Variants in POMGNT1 observed in about 807,000 individuals in gnomAD.
POMGNT1 encodes the protein protein O-linked-mannose beta-1,2-N-acetylglucosaminyltransferase 1.
A neutral mutation model predicts 95.6 loss-of-function variants in POMGNT1; 67 were observed. That is an observed-to-expected ratio of 0.70 (90% CI 0.58 to 0.86). POMGNT1 has a LOEUF of 0.86. POMGNT1 is among the 40% of genes least tolerant of loss of function. The probability of loss-of-function intolerance (pLI) is 0.00; values close to 1 mark genes in which losing one functional copy is unlikely to be tolerated. For missense variants in POMGNT1, 719 were observed against 855.2 expected (o/e 0.84, Z 1.99); for synonymous variants, 298 against 317.9 (o/e 0.94, Z 0.66).
intron 19 of POMGNT1, chr1:46,190,248 G>C: frequency 1.5e-6 from 1 of 685,248 alleles, no homozygotes; most frequent in Non-Finnish European, 2.5e-6. Flanking sequence ...GTTTCACCGT[G>C]TTAGCCAGGA....
chr1:46,196,067 T>C lies in POMGNT1; in HGVS notation c.365A>G (p.Asp122Gly). 1 of 1,613,982 alleles carries C rather than the reference T, an allele frequency of 6.2e-7. No homozygotes were observed. The highest frequency in any genetic ancestry group is 1.1e-5 in the South Asian group (1 of 91,082). ...VAVDGTTVLE[D>G]EAREQGRGIH... ...GCCCCGGCCCTGCTCCCGGGCCTCA[T>C]CCTCCAGCACCTACACAGTGGCAGA... The change falls in exon 5 of 22, where the codon GAT (aspartate) becomes GGT (glycine). Residue 122 changes from aspartate to glycine, a missense_variant. Asp to Gly is a moderately conservative substitution (Grantham distance 94). Transcript: ENST00000371984. The surrounding 1 kb of genome is among the most constrained non-coding windows in gnomAD (Gnocchi z 4.4).
In POMGNT1 at chr1:46,192,737, C is replaced by T. The variant is rs1185291488; in HGVS notation, c.1212-147G>A. ...CAAATCCCCACTGTCTCCATTCATC[C>T]ACTGTACCTTCAACAGCAGCCCCAA... On this transcript the variant is annotated intron_variant, in intron 14 of 21. Transcript: ENST00000371984. The T allele has an allele frequency of 7.5e-6, 12 of 1,593,970 alleles. No individual in the cohort carries two copies. The Admixed American group carries it at 1.7e-4, about 22-fold the overall frequency.
In POMGNT1 at chr1:46,194,750, G is replaced by A. The variant is rs150474718; in HGVS notation, c.652+94C>T. The A allele has an allele frequency of 4.3e-5, 69 of 1,613,730 alleles. No individual in the cohort carries two copies. In the African/African-American group the frequency reaches 8.4e-4, roughly 20 times the overall value. Reference sequence around the variant, plus strand: ...ACTTTCATCCAACCCACTGCCACTGGCTCCTATTTGTTCCCCACCCCACCC... The same window carrying A: ...ACTTTCATCCAACCCACTGCCACTGACTCCTATTTGTTCCCCACCCCACCC... On this transcript the variant is annotated intron_variant, in intron 7 of 21. Coordinates refer to ENST00000371984, the MANE Select transcript of POMGNT1 (RefSeq NM_017739.4).
At chr1:46,195,172 C>A (rs1658129005) in intron 6 of POMGNT1, among the ~76,000 whole-genome samples, 2 of 152,174 alleles carry the variant, frequency 1.3e-5, no homozygotes, top group Non-Finnish European at 2.9e-5. Flanking sequence ...TTCCACAAAC[C>A]CACACGATCT....
At chr1:46,217,272 G>T (rs1055274327) in intron 1 of POMGNT1, among the ~76,000 whole-genome samples, 1 of 152,154 alleles carries the variant, frequency 6.6e-6, no homozygotes, top group Non-Finnish European at 1.5e-5. Flanking sequence ...GGAATAGATA[G>T]AACGTGTCAT....
rs911220909 is a variant in POMGNT1 at position 46,189,957 on chromosome 1, G to A, written c.1682C>T (p.Pro561Leu). Residue 561 changes from proline to leucine, a missense_variant, in exon 20 of 22, where the codon CCT (proline) becomes CTT (leucine). This residue lies in a region of POMGNT1 where 130 missense variants were observed against 149.2 expected (regional missense o/e 0.87). Transcript: ENST00000371984. ...EAEVLDHSKN[P>L]CEDSFLPDTE... ...GTCTGGCAGGAAAGAGTCTTCACAA[G>A]GGTTCTTGCTGTGGTCCAGAACCTC... 6.2e-7 allele frequency: 1 copy of A among 1,614,176 alleles called. No homozygotes were observed. The highest frequency in any genetic ancestry group is 8.5e-7 in the Non-Finnish European group (1 of 1,180,026).
chr1:46,220,173 G>A, exon 1 of POMGNT1: 1 of 1,613,910 alleles, frequency 6.2e-7, no homozygotes, highest in East Asian at 2.2e-5. Context: ...GGGCTTCGAG[G>A]CCCACTGGTT....
chr1:46,197,474 A>G, intron 2 of POMGNT1: 1 of 1,485,254 alleles, frequency 6.7e-7, no homozygotes, highest in Non-Finnish European at 8.9e-7. Context: ...CAGCCTGATC[A>G]GACTTCAGGC....
chr1:46,219,295 CAAAA>C (rs747473864), intron 1 of POMGNT1, among the ~76,000 whole-genome samples: 1 of 97,588 alleles, frequency 1.0e-5, no homozygotes. Context: ...AACTCCATTT[CAAAA>C]AAAAAAAAAA....
At chr1:46,203,380 C>T, upstream of POMGNT1, 2 of 1,428,160 alleles carry the variant, frequency 1.4e-6, no homozygotes, top group Non-Finnish European at 9.2e-7. Context: ...CCCCGGGAGC[C>T]GGTCCCCGGC....
At chr1:46,197,278 C>T (rs762234808) in intron 2 of POMGNT1, 194 bp from the exon 3 acceptor site, 7 of 1,514,380 alleles carry the variant, frequency 4.6e-6, no homozygotes, top group Non-Finnish European at 6.2e-6. Context: ...CCTCCCCTGA[C>T]ACTTCCCCCT....
At chr1:46,203,268 G>A, upstream of POMGNT1, 1 of 481,966 alleles carries the variant, frequency 2.1e-6, no homozygotes, top group African/African-American at 2.0e-5. Flanking sequence ...AGACGGTGCT[G>A]CGCGGCTTTT....
chr1:46,219,926 C>G, exon 1 of POMGNT1: 1 of 1,614,226 alleles, frequency 6.2e-7, no homozygotes, highest in Non-Finnish European at 8.5e-7. Flanking sequence ...TGGACAGTGT[C>G]TCTATTGGCA....
intron 1 of POMGNT1, among the ~76,000 whole-genome samples, chr1:46,208,253 G>A (rs571552818): frequency 6.6e-6 from 1 of 152,130 alleles, no homozygotes; most frequent in East Asian, 1.9e-4. Context: ...TCAGCCTCCC[G>A]AAGTTCTGGG....
chr1:46,188,690 G>A lies in POMGNT1; in HGVS notation c.*580C>T. The A allele has an allele frequency of 6.3e-7, 1 of 1,595,014 alleles. No individual in the cohort carries two copies. The highest frequency in any genetic ancestry group is 8.6e-7 in the Non-Finnish European group (1 of 1,168,256). The stretch of plus-strand genomic sequence containing the variant: ...TCACAATCACAAGACATCCCCAGAG[G>A]GCTTCTCCTTTTTTAATCAATGACC... On this transcript the variant is annotated 3_prime_UTR_variant, in exon 22 of 22. Transcript: ENST00000371984.
At chr1:46,216,043 CTTTTTT>C (rs141982741) in intron 1 of POMGNT1, among the ~76,000 whole-genome samples, 37 of 92,548 alleles carry the variant, frequency 4.0e-4, no homozygotes, top group Admixed American at 1.5e-3. Flanking sequence ...TTTATTTTAT[CTTTTTT>C]TTTTTTTTTT....
At position 46,190,798 on chromosome 1, in the gene POMGNT1, G is replaced by A; in HGVS notation, c.1540-14C>T. 1.2e-6 allele frequency: 2 copies of A among 1,605,980 alleles called. No individual in the cohort carries two copies. Among genetic ancestry groups the A allele is most frequent in the Non-Finnish European group, 1.7e-6 (2 of 1,172,602 alleles). The stretch of plus-strand genomic sequence containing the variant: ...GAAGTAGGCCTCCTGGAGTGGGTAT[G>A]AGAGTGAAAATCAGCACCTCACATT... On this transcript the variant is annotated splice_polypyrimidine_tract_variant and intron_variant, in intron 17 of 21. Coordinates refer to ENST00000371984, the MANE Select transcript of POMGNT1 (RefSeq NM_017739.4).
intron 6 of POMGNT1, 55 bp from the exon 7 acceptor site, chr1:46,195,016 C>T: frequency 6.6e-7 from 1 of 1,523,902 alleles, no homozygotes; most frequent in South Asian, 1.1e-5. Flanking sequence ...GGAGACCTGG[C>T]CTCACAGAGC....
intron 18 of POMGNT1, 90 bp downstream of exon 18, chr1:46,190,630 A>T: frequency 6.5e-7 from 1 of 1,534,170 alleles, no homozygotes; most frequent in South Asian, 1.1e-5. Context: ...GGCTGGAGTA[A>T]ACACACAGGC....
Sources: gnomAD v4.1 joint callset for allele counts (sites outside exome capture counted in the v4.1 genomes callset) on GRCh38, gnomAD v4.1.1 for gene constraint, gnomAD v4.1.1 regional missense constraint, Gnocchi (gnomAD v3.1) non-coding constraint, MANE v1.5 for transcripts, NCBI Gene and HGNC (gene_info 2026-07-23, HGNC 2026-07-21) for gene names.